ZFAND4: variants seen among roughly 807,000 people sequenced by gnomAD.
ZFAND4 encodes zinc finger AN1-type containing 4.
A neutral mutation model predicts 64.4 loss-of-function variants in ZFAND4; 43 were observed. The observed-to-expected ratio is 0.67, with a 90% CI of 0.52 to 0.86. The LOEUF is 0.86. ZFAND4 is among the 40% of genes least tolerant of loss of function. The pLI, the probability that ZFAND4 is intolerant of heterozygous loss-of-function variation, is 0.00. For missense variants in ZFAND4, 929 were observed against 859.8 expected (o/e 1.08, Z -1.01); for synonymous variants, 296 against 305.7 (o/e 0.97, Z 0.33).
At chr10:45,660,872 T>TAAA (rs2048427882) in intron 2 of ZFAND4, among the ~76,000 whole-genome samples, 1 of 152,166 alleles carries the variant, frequency 6.6e-6, no homozygotes, top group Admixed American at 6.5e-5. Context: ...CAAGAAACGT[T>TAAA]AAAAGATGGC....
intron 8 of ZFAND4, among the ~76,000 whole-genome samples, chr10:45,620,183 C>A (rs1362857795): frequency 6.6e-6 from 1 of 151,296 alleles, no homozygotes; most frequent in South Asian, 2.1e-4. Flanking sequence ...TACTTTTTTT[C>A]ATTTAAGAAC....
intron 6 of ZFAND4, among the ~76,000 whole-genome samples, chr10:45,635,195 C>CAAAAAAAAAAAAAAAAAACAAAAAAAA (rs2046478075): frequency 2.5e-4 from 7 of 27,622 alleles, no homozygotes; most frequent in Admixed American, 4.8e-4. Context: ...GCCATCTAAG[C>CAAAAAAAAAAAAAAAAAACAAAAAAAA]AAAAAAAAAA....
chr10:45,621,539 G>A (rs1416912226), intron 8 of ZFAND4, among the ~76,000 whole-genome samples: 2 of 151,712 alleles, frequency 1.3e-5, no homozygotes, highest in South Asian at 2.1e-4. Flanking sequence ...TCAGGAGATC[G>A]AGACCATCCT....
chr10:45,629,563 G>C (rs2046067687), intron 6 of ZFAND4, among the ~76,000 whole-genome samples: 1 of 152,104 alleles, frequency 6.6e-6, no homozygotes. Flanking sequence ...CCTCCAATAA[G>C]AGTGTCATTG....
At chr10:45,617,327 T>C (rs2045052466) in intron 9 of ZFAND4, among the ~76,000 whole-genome samples, 1 of 151,990 alleles carries the variant, frequency 6.6e-6, no homozygotes, top group Non-Finnish European at 1.5e-5. Context: ...GAATACACTC[T>C]AAAAAGCAGG....
At chr10:45,641,562 A>G (rs943021410) in intron 5 of ZFAND4, among the ~76,000 whole-genome samples, 1 of 152,216 alleles carries the variant, frequency 6.6e-6, no homozygotes, top group African/African-American at 2.4e-5. Context: ...CACGCACTAT[A>G]CGCATGGGTA....
chr10:45,630,423 T>TA (rs1195452917), intron 6 of ZFAND4, among the ~76,000 whole-genome samples: 1 of 152,116 alleles, frequency 6.6e-6, no homozygotes, highest in African/African-American at 2.4e-5. Context: ...ACTTAATATT[T>TA]AATAAAGAAT....
chr10:45,654,679 G>A (rs1481852998), intron 2 of ZFAND4, among the ~76,000 whole-genome samples: 1 of 151,042 alleles, frequency 6.6e-6, no homozygotes, highest in Non-Finnish European at 1.5e-5. Flanking sequence ...GCCTAAAATG[G>A]AAATCAAAAG....
chr10:45,669,941 A>G (rs2049070145), intron 1 of ZFAND4, among the ~76,000 whole-genome samples: 2 of 152,280 alleles, frequency 1.3e-5, no homozygotes, highest in South Asian at 4.1e-4. Flanking sequence ...ATGGGCAAAA[A>G]CTGGAAGCAT....
chr10:45,648,306 T>C lies in ZFAND4; in HGVS notation c.557A>G (p.Glu186Gly). The change falls in exon 5 of 10, where the codon GAA becomes GGA. Residue 186 changes from glutamate to glycine, a missense_variant. By Grantham distance (98) the Glu-to-Gly change is moderately conservative. Transcript: ENST00000344646. ...FHLHVLRRKG[E>G]HRMSGGSMYN... ...GTTTATGGAGTACCTCATACGATGTTCTCCTTTTCTCCGTAGGACATGCAA... is the reference window on the plus strand; with the variant it reads ...GTTTATGGAGTACCTCATACGATGTCCTCCTTTTCTCCGTAGGACATGCAA... 6.2e-7 allele frequency: 1 copy of C among 1,609,852 alleles called. No homozygotes were observed. Among genetic ancestry groups the C allele is most frequent in the Non-Finnish European group, 8.5e-7 (1 of 1,178,076 alleles).
At chr10:45,659,848 C>A (rs1460308271) in intron 2 of ZFAND4, among the ~76,000 whole-genome samples, 1 of 152,088 alleles carries the variant, frequency 6.6e-6, no homozygotes, top group Non-Finnish European at 1.5e-5. Context: ...TGGTCATCTG[C>A]AGACTGGATC....
At chr10:45,666,748 A>G (rs932387093) in intron 1 of ZFAND4, among the ~76,000 whole-genome samples, 1 of 152,226 alleles carries the variant, frequency 6.6e-6, no homozygotes, top group African/African-American at 2.4e-5. Flanking sequence ...CAGTTGTTCC[A>G]GTATCATTTG....
intron 4 of ZFAND4, chr10:45,648,863 G>T: frequency 1.2e-6 from 1 of 829,644 alleles, no homozygotes; most frequent in East Asian, 1.2e-4. Flanking sequence ...CTGATTCTAT[G>T]ATATTACTAT....
At chr10:45,639,705 C>A in intron 6 of ZFAND4, 111 bp downstream of exon 6, 1 of 1,345,854 alleles carries the variant, frequency 7.4e-7, no homozygotes, top group East Asian at 2.5e-5. Context: ...GGCCAGAAAC[C>A]TGAAATGAAT....
chr10:45,649,156 CAAAAAAAAA>C (rs1184760537), intron 4 of ZFAND4: 1 of 92,238 alleles, frequency 1.1e-5, no homozygotes, highest in Non-Finnish European at 2.4e-5. Flanking sequence ...TGTAGTCCCT[CAAAAAAAAA>C]AAAAAAAAGT....
intron 6 of ZFAND4, among the ~76,000 whole-genome samples, chr10:45,638,248 T>A (rs1172440281): frequency 6.8e-6 from 1 of 147,926 alleles, no homozygotes; most frequent in Non-Finnish European, 1.5e-5. Context: ...CTTTGGGAGG[T>A]CGAGGCAGTC....
chr10:45,656,158 G>T (rs1195674115), intron 2 of ZFAND4, among the ~76,000 whole-genome samples: 1 of 152,198 alleles, frequency 6.6e-6, no homozygotes, highest in Admixed American at 6.5e-5. Flanking sequence ...TTGAACCCGG[G>T]AGGCGGAGGT....
At chr10:45,662,702 C>T in intron 2 of ZFAND4, 1 of 975,558 alleles carries the variant, frequency 1.0e-6, no homozygotes, top group Non-Finnish European at 1.2e-6. Flanking sequence ...AGCAAATATT[C>T]AGGAGCTCAT....
intron 8 of ZFAND4, among the ~76,000 whole-genome samples, chr10:45,619,934 C>G (rs1181178141): frequency 9.2e-5 from 14 of 152,234 alleles, no homozygotes. Flanking sequence ...GGAGTAATTC[C>G]ATTATTTAAA....
Sources: allele counts gnomAD v4.1 joint callset (sites outside exome capture counted in the v4.1 genomes callset), GRCh38; gene constraint gnomAD v4.1.1; transcripts MANE v1.5; gene names NCBI Gene and HGNC (gene_info 2026-07-23, HGNC 2026-07-21).